SLC25A16: variants seen among roughly 807,000 people sequenced by gnomAD.
SLC25A16 encodes the protein solute carrier family 25 member 16, also known as mitochondrial coenzyme A transporter SLC25A16.
Under a neutral mutation model 41.5 loss-of-function variants are expected in SLC25A16, and 39 were observed. The observed-to-expected ratio is 0.94, with a 90% CI of 0.73 to 1.23. The LOEUF (loss-of-function observed/expected upper bound fraction) is 1.23, where lower values mean the gene tolerates loss of function less well. Ranked by LOEUF, SLC25A16 falls within the 50% of genes most tolerant of loss-of-function variation. The pLI, the probability that SLC25A16 is intolerant of heterozygous loss-of-function variation, is 0.00. For synonymous variants in SLC25A16, 146 were observed against 147.8 expected (o/e 0.99, Z 0.09); for missense variants, 421 against 426.9 (o/e 0.99, Z 0.12).
At chr10:68,514,878 CA>C (rs2053133635) in intron 2 of SLC25A16, among the ~76,000 whole-genome samples, 1 of 151,832 alleles carries the variant, frequency 6.6e-6, no homozygotes. Flanking sequence ...ACTAGGATTA[CA>C]GGTGCCTGCC....
Position 68,512,041 on chromosome 10 carries a change from G to A in SLC25A16, c.223+4710C>T, listed in dbSNP as rs2053072807. On this transcript the variant is annotated intron_variant, in intron 2 of 8. Transcript: ENST00000609923. ...CTGGATAATTTTTGTATTTTTAGTA[G>A]AGACGGGGCTTCACCATATTGGCTA... Among the ~76,000 whole-genome samples, 5 of 152,124 alleles carry A rather than the reference G, an allele frequency of 3.3e-5. No homozygotes were observed. The South Asian group carries it at 1.0e-3, about 32-fold the overall frequency.
chr10:68,497,055 T>C (rs577763580), intron 4 of SLC25A16, among the ~76,000 whole-genome samples: 1 of 152,170 alleles, frequency 6.6e-6, no homozygotes, highest in African/African-American at 2.4e-5. Flanking sequence ...AGAAATTGCA[T>C]AATACAGGGT....
At position 68,483,360 on chromosome 10, in the gene SLC25A16, C is replaced by T; in HGVS notation, c.*72G>A. On this transcript the variant is annotated 3_prime_UTR_variant, in exon 9 of 9. Coordinates refer to ENST00000609923, the MANE Select transcript of SLC25A16 (RefSeq NM_152707.4). ...AAATATCCCCATTCAAGTAATGTTC[C>T]CCCCACAATTATAGTAATGTTTCAT... is the stretch of plus-strand genomic sequence containing the variant. 2 of 964,056 alleles carry T rather than the reference C, an allele frequency of 2.1e-6. No individual in the cohort carries two copies. Among genetic ancestry groups the T allele is most frequent in the East Asian group, 2.5e-5 (1 of 40,206 alleles). The allele number at this position is 964,056 out of a possible 1,614,324, so 59.7% of individuals were successfully genotyped here. A position where few individuals can be genotyped will look rare whatever the true frequency, so the allele number is the denominator to read the frequency against.
intron 6 of SLC25A16, among the ~76,000 whole-genome samples, chr10:68,491,253 T>C (rs186455430): frequency 1.1e-3 from 171 of 151,440 alleles, no homozygotes; most frequent in African/African-American, 3.9e-3. Context: ...TGAGACAGAG[T>C]TTTGCTCTTG....
chr10:68,513,222 A>AG (rs1465473899), intron 2 of SLC25A16, among the ~76,000 whole-genome samples: 1 of 151,744 alleles, frequency 6.6e-6, no homozygotes, highest in African/African-American at 2.4e-5. Context: ...AGCCTGGCCA[A>AG]ACATAGTGAA....
chr10:68,516,951 T>G lies in SLC25A16; in HGVS notation c.131-108A>C, dbSNP rs147900519. The G allele has an allele frequency of 2.9e-6, 3 of 1,026,658 alleles. No individual in the cohort carries two copies. The Admixed American group carries it at 7.2e-5, about 24-fold the overall frequency. 63.6% of individuals were successfully genotyped at this position (1,026,658 alleles called of 1,614,324 possible). On this transcript the variant is annotated intron_variant, in intron 1 of 8. Coordinates refer to ENST00000609923, the MANE Select transcript of SLC25A16 (RefSeq NM_152707.4). ...CCTCTAATCTCTAATTCAGTCTCCA[T>G]GAGTAAATCTGCCCACAGCGTATAG...
At chr10:68,525,889 T>C (rs983830087) in intron 1 of SLC25A16, among the ~76,000 whole-genome samples, 1 of 152,138 alleles carries the variant, frequency 6.6e-6, no homozygotes, top group Non-Finnish European at 1.5e-5. Context: ...GTTAAACAGA[T>C]GCTTGAAGGC....
At chr10:68,524,126 T>A (rs958607224) in intron 1 of SLC25A16, among the ~76,000 whole-genome samples, 11 of 151,574 alleles carry the variant, frequency 7.3e-5, no homozygotes, top group African/African-American at 2.7e-4. Flanking sequence ...CTGGCTAATA[T>A]GGTGAAACCC....
intron 8 of SLC25A16, among the ~76,000 whole-genome samples, chr10:68,484,424 C>CTTT (rs35608830): frequency 7.8e-6 from 1 of 127,530 alleles, no homozygotes; most frequent in Non-Finnish European, 1.7e-5. Flanking sequence ...TTTCAAAAAT[C>CTTT]TTTTTTTTTT....
At position 68,483,547 on chromosome 10, in the gene SLC25A16, C is replaced by T. The variant is rs748437829; in HGVS notation, c.884G>A (p.Gly295Glu). Residue 295 changes from glycine (G) to glutamate (E), a missense_variant, in exon 9 of 9, where the codon GGA (glycine) becomes GAA (glutamate). Transcript: ENST00000609923. ...ACCACGATAGAGTCCTTTTCGAATT[C>T]CATGGTGTCCATAGACATACTTCAT... ...DTMKYVYGHH[G>E]IRKGLYRGLS... is the part of the protein sequence containing the mutation. The T allele has an allele frequency of 6.2e-7, 1 of 1,611,296 alleles. No individual in the cohort carries two copies.
intron 1 of SLC25A16, among the ~76,000 whole-genome samples, chr10:68,525,968 G>C (rs887532542): frequency 6.6e-6 from 1 of 151,802 alleles, no homozygotes; most frequent in Non-Finnish European, 1.5e-5. Flanking sequence ...ACTGCGGAAG[G>C]CCGCAGGGAC....
rs771977288 is a variant in SLC25A16 at position 68,496,755 on chromosome 10, G to C, written c.422-3185C>G. 5.8e-5 allele frequency: 49 copies of C among 849,346 alleles called. No homozygotes were observed. The Admixed American group carries it at 8.7e-4, about 15-fold the overall frequency. The allele number at this position is 849,346 out of a possible 1,614,324, so 52.6% of individuals were successfully genotyped here. On this transcript the variant is annotated intron_variant, in intron 4 of 8. Transcript: ENST00000609923. Reference sequence around the variant, plus strand: ...GCAATTACATTAGAAATCATATTTAGAAAGTATGGTAATTATGAATTATTT... The same window carrying C: ...GCAATTACATTAGAAATCATATTTACAAAGTATGGTAATTATGAATTATTT...
chr10:68,526,789 G>A (rs1182233099), intron 1 of SLC25A16, among the ~76,000 whole-genome samples: 1 of 152,166 alleles, frequency 6.6e-6, no homozygotes, highest in Non-Finnish European at 1.5e-5. Flanking sequence ...ACCAGTTTTG[G>A]CTGTAGACAG....
At chr10:68,511,822 G>A (rs116517926) in intron 2 of SLC25A16, among the ~76,000 whole-genome samples, 3,624 of 151,452 alleles carry the variant, frequency 0.024, 152 homozygotes, top group African/African-American at 0.083. Context: ...CCTCCCAAAA[G>A]TACTGGGACT....
intron 3 of SLC25A16, among the ~76,000 whole-genome samples, chr10:68,504,792 T>C (rs999387310): frequency 2.6e-5 from 4 of 152,186 alleles, no homozygotes; most frequent in African/African-American, 9.6e-5. Flanking sequence ...GCGATTATCC[T>C]GCCTCAGCCT....
At chr10:68,522,011 T>C (rs924585936) in intron 1 of SLC25A16, among the ~76,000 whole-genome samples, 2 of 151,686 alleles carry the variant, frequency 1.3e-5, no homozygotes, top group African/African-American at 4.8e-5. Flanking sequence ...AATACAAAAA[T>C]GAGCTGGGCG....
At chr10:68,504,658 A>G (rs146513894) in intron 3 of SLC25A16, among the ~76,000 whole-genome samples, 2,241 of 146,146 alleles carry the variant, frequency 0.015, 55 homozygotes, top group Admixed American at 0.067. Context: ...GATTACAGGC[A>G]TGAGCCACCG....
Position 68,506,664 on chromosome 10 carries a change from T to C in SLC25A16, c.278A>G (p.Tyr93Cys). The C allele has an allele frequency of 3.1e-6, 5 of 1,596,498 alleles. No individual in the cohort carries two copies. Among genetic ancestry groups the C allele is most frequent in the Non-Finnish European group, 4.3e-6 (5 of 1,168,014 alleles). Residue 93 changes from tyrosine to cysteine, a missense_variant, in exon 3 of 9, where the codon TAT (tyrosine) becomes TGT (cysteine). Coordinates refer to ENST00000609923, the MANE Select transcript of SLC25A16 (RefSeq NM_152707.4). The part of the protein sequence containing the change: ...VPQKEGFLGL[Y>C]KGNGAMMIRI... ...AATCATCATTGCACCATTTCCTTTATACAATCCAAGGAATCCTTCTTTTTG... is the reference window on the plus strand; with the variant it reads ...AATCATCATTGCACCATTTCCTTTACACAATCCAAGGAATCCTTCTTTTTG...
At chr10:68,503,782 T>C (rs2052899784) in intron 3 of SLC25A16, 87 bp from the exon 4 acceptor site, 1 of 814,716 alleles carries the variant, frequency 1.2e-6, no homozygotes, top group Non-Finnish European at 2.1e-6. Flanking sequence ...ATTTCAAGAG[T>C]TACAGGACTA....
Sources: allele counts gnomAD v4.1 joint callset (sites outside exome capture counted in the v4.1 genomes callset), GRCh38; gene constraint gnomAD v4.1.1; transcripts MANE v1.5; gene names NCBI Gene and HGNC (gene_info 2026-07-23, HGNC 2026-07-21).